Variants in CCDC34 observed in about 807,000 individuals in gnomAD.
CCDC34 encodes the protein coiled-coil domain-containing protein 34.
In CCDC34, 40 loss-of-function variants were observed where a neutral mutation model predicts 44.1. The observed-to-expected ratio is 0.91, with a 90% CI of 0.70 to 1.18. CCDC34 has a LOEUF of 1.18. CCDC34 is among the 50% of genes most tolerant of loss of function. The pLI is 0.00. For synonymous variants in CCDC34, 159 were observed against 158.2 expected, an observed-to-expected ratio of 1.01 and a Z score of -0.04; for missense variants, 466 against 452.3, an observed-to-expected ratio of 1.03 and a Z score of -0.28.
chr11:27,343,882 A>G (rs1862397893), intron 3 of CCDC34, among the ~76,000 whole-genome samples: 1 of 152,210 alleles, frequency 6.6e-6, no homozygotes, highest in African/African-American at 2.4e-5. Flanking sequence ...GATCACACAG[A>G]CATCATACAG....
chr11:27,358,246 T>C (rs888614418), intron 1 of CCDC34, among the ~76,000 whole-genome samples: 1 of 151,824 alleles, frequency 6.6e-6, no homozygotes, highest in African/African-American at 2.4e-5. Flanking sequence ...AAATAACAAT[T>C]CAGGGTAAAG....
intron 1 of CCDC34, 141 bp downstream of exon 1, chr11:27,362,695 C>CA (rs75897350): frequency 0.28 from 247,609 of 886,078 alleles, 36,884 homozygotes; most frequent in East Asian, 0.48. Flanking sequence ...TCTTTATGTG[C>CA]AAAAAAAACC....
At chr11:27,357,882 A>C (rs969049772) in intron 1 of CCDC34, among the ~76,000 whole-genome samples, 1 of 152,188 alleles carries the variant, frequency 6.6e-6, no homozygotes, top group South Asian at 2.1e-4. Flanking sequence ...ATTACTCATT[A>C]CAACATATAA....
chr11:27,354,646 G>C (rs554802826), intron 2 of CCDC34, among the ~76,000 whole-genome samples: 39 of 152,010 alleles, frequency 2.6e-4, no homozygotes, highest in Admixed American at 9.8e-4. Flanking sequence ...TTGAGCCCAG[G>C]AGTTGGAGGC....
chr11:27,347,179 G>A (rs1051647016), intron 3 of CCDC34, among the ~76,000 whole-genome samples: 1 of 152,150 alleles, frequency 6.6e-6, no homozygotes, highest in African/African-American at 2.4e-5. Context: ...ACACTCACTA[G>A]AAGGACTTAA....
chr11:27,340,729 T>A lies in CCDC34; in HGVS notation c.874A>T (p.Lys292Ter). ...NAKHKPRPAA[K>*]SYGYANGKLT... ...TTTCCATTGGCATAACCATAGCTCT[T>A]TGCAGCTGGACGAGGTTTATGTTTC... Residue 292 changes from lysine to a stop codon, truncating the protein, a stop_gained, in exon 5 of 6, where the codon AAG (lysine) becomes TAG (stop). Transcript: ENST00000328697. LOFTEE classifies it high-confidence loss of function. 1 of 1,613,560 alleles carries A rather than the reference T, an allele frequency of 6.2e-7. No individual in the cohort carries two copies.
intron 3 of CCDC34, chr11:27,348,755 G>C (rs1463300313): frequency 1.4e-6 from 1 of 701,418 alleles, no homozygotes; most frequent in Non-Finnish European, 1.7e-6. Context: ...TTTACAAATA[G>C]AGGTAAATGT....
chr11:27,348,346 C>T (rs1871253), intron 3 of CCDC34, among the ~76,000 whole-genome samples: 150,755 of 152,350 alleles, frequency 0.99, 74,605 homozygotes, highest in East Asian at 1. Context: ...GTTTTGAGAA[C>T]GAAAAACGAT....
intron 5 of CCDC34, 151 bp from the exon 6 acceptor site, chr11:27,339,186 A>G (rs1862319717): frequency 1.6e-6 from 1 of 606,432 alleles, no homozygotes; most frequent in South Asian, 2.1e-5. Context: ...AAACTCCTTG[A>G]TATTTTCAAA....
chr11:27,345,355 T>C (rs1047984470), intron 3 of CCDC34, among the ~76,000 whole-genome samples: 3 of 152,214 alleles, frequency 2.0e-5, no homozygotes, highest in Non-Finnish European at 4.4e-5. Flanking sequence ...TACATATGTA[T>C]ACATGTGCCA....
At chr11:27,353,591 T>C (rs986221679) in intron 2 of CCDC34, among the ~76,000 whole-genome samples, 2 of 152,162 alleles carry the variant, frequency 1.3e-5, no homozygotes, top group Non-Finnish European at 2.9e-5. Flanking sequence ...TACAAATGTA[T>C]ACCATTTTGT....
At chr11:27,344,343 G>C (rs868452719) in intron 3 of CCDC34, among the ~76,000 whole-genome samples, 2 of 151,560 alleles carry the variant, frequency 1.3e-5, no homozygotes, top group Non-Finnish European at 2.9e-5. Context: ...ATAAACATAT[G>C]TATATGTTAT....
chr11:27,360,382 T>C (rs1444069927), intron 1 of CCDC34, among the ~76,000 whole-genome samples: 1 of 152,168 alleles, frequency 6.6e-6, no homozygotes, highest in Non-Finnish European at 1.5e-5. Context: ...TGGCACTATT[T>C]ATACCAAAAA....
chr11:27,347,485 A>T (rs2133342388), intron 3 of CCDC34, among the ~76,000 whole-genome samples: 1 of 152,330 alleles, frequency 6.6e-6, no homozygotes, highest in Middle Eastern at 3.4e-3. Context: ...TAGTGAACAG[A>T]TAAACAATTT....
chr11:27,352,025 G>C (rs1862508248), intron 2 of CCDC34, among the ~76,000 whole-genome samples: 2 of 152,146 alleles, frequency 1.3e-5, no homozygotes. Flanking sequence ...GAAGGGATGA[G>C]AACTATTCTG....
rs114155174 is a variant in CCDC34 at position 27,346,850 on chromosome 11, C to T, written c.606+3482G>A. Among the ~76,000 whole-genome samples, 486 of 152,074 alleles carry T rather than the reference C, an allele frequency of 3.2e-3. 2 individuals carry two copies. The highest frequency in any genetic ancestry group is 0.011 in the African/African-American group (465 of 41,484). ...TTAAATGAGGTCATAAGGGTAGGAC[C>T]CTAATTCAATAGGACTGGTGTCCTT... is the stretch of plus-strand genomic sequence containing the variant. On this transcript the variant is annotated intron_variant, in intron 3 of 5. Coordinates refer to ENST00000328697, the MANE Select transcript of CCDC34 (RefSeq NM_030771.2).
Position 27,362,912 on chromosome 11 carries a change from C to A in CCDC34, c.283G>T (p.Asp95Tyr). Residue 95 changes from aspartate to tyrosine, a missense_variant, in exon 1 of 6, where the codon GAC becomes TAC. Asp to Tyr is a radical substitution (Grantham distance 160). Transcript: ENST00000328697. ...GAATCATGGGCATCTTCATCCACGTCTTCCTCATCATCCACGTCTTCCTCA... is the reference window on the plus strand; with the variant it reads ...GAATCATGGGCATCTTCATCCACGTATTCCTCATCATCCACGTCTTCCTCA... ...EDEEDVDDEE[D>Y]VDEDAHDSEA... 6.3e-7 allele frequency: 1 copy of A among 1,592,084 alleles called. No homozygotes were observed. The highest frequency in any genetic ancestry group is 1.8e-4 in the Middle Eastern group (1 of 5,628).
chr11:27,361,747 C>A (rs1344146218), intron 1 of CCDC34, among the ~76,000 whole-genome samples: 2 of 152,150 alleles, frequency 1.3e-5, no homozygotes, highest in South Asian at 4.1e-4. Flanking sequence ...GATATGAACA[C>A]CCTGTACTGA....
At chr11:27,341,641 C>A in intron 3 of CCDC34, 91 bp from the exon 4 acceptor site, 1 of 570,648 alleles carries the variant, frequency 1.8e-6, no homozygotes, top group Non-Finnish European at 2.8e-6. Context: ...TTCTAAACTT[C>A]AATTATTTTT....
Sources: gnomAD v4.1 joint callset for allele counts (sites outside exome capture counted in the v4.1 genomes callset) on GRCh38, gnomAD v4.1.1 for gene constraint, MANE v1.5 for transcripts, NCBI Gene and HGNC (gene_info 2026-07-23, HGNC 2026-07-21) for gene names.